FAM20B: variants seen among roughly 807,000 people sequenced by gnomAD.
FAM20B encodes FAM20B glycosaminoglycan xylosylkinase, also known as glycosaminoglycan xylosylkinase.
Under a neutral mutation model 43.8 loss-of-function variants are expected in FAM20B, and 23 were observed. The observed-to-expected ratio is 0.53, with a 90% CI of 0.38 to 0.74. FAM20B has a LOEUF of 0.74. Among genes scored for constraint, FAM20B ranks in the 30% least tolerant of loss-of-function variants. The probability of loss-of-function intolerance (pLI) is 0.00; values close to 1 mark genes in which losing one functional copy is unlikely to be tolerated. For synonymous variants in FAM20B, 178 were observed against 192.4 expected (o/e 0.93, Z 0.62); for missense variants, 440 against 510.5 (o/e 0.86, Z 1.33).
At chr1:179,019,406 G>A in the FAM20B span, among the ~76,000 whole-genome samples, 3 of 152,130 alleles carry the variant, frequency 2.0e-5, no homozygotes, top group Non-Finnish European at 4.4e-5. Context: ...TTGGATGACT[G>A]GTGGTCACAT....
intron 2 of FAM20B, among the ~76,000 whole-genome samples, chr1:179,045,673 G>A (rs557656531): frequency 2.8e-4 from 43 of 152,244 alleles, no homozygotes; most frequent in African/African-American, 1.0e-3. Context: ...GGGAGGCCGA[G>A]GTGGGTGGAT....
chr1:179,068,456 G>C (rs12041914), intron 7 of FAM20B, among the ~76,000 whole-genome samples: 2 of 151,314 alleles, frequency 1.3e-5, no homozygotes, highest in African/African-American at 4.9e-5. Context: ...TTTTTTTGGA[G>C]ATGGAGTCTT....
At chr1:179,059,055 T>G (rs928927597) in intron 4 of FAM20B, among the ~76,000 whole-genome samples, 1 of 152,238 alleles carries the variant, frequency 6.6e-6, no homozygotes, top group Non-Finnish European at 1.5e-5. Flanking sequence ...CAGGAGTAAG[T>G]GTAGACTAAT....
chr1:179,035,474 C>G, intron 1 of FAM20B: 1 of 698,958 alleles, frequency 1.4e-6, no homozygotes. Flanking sequence ...AGCACATAGG[C>G]ATTGAAGACG....
upstream of FAM20B, among the ~76,000 whole-genome samples, chr1:179,022,562 A>G (rs1330730284): frequency 2.0e-5 from 3 of 152,208 alleles, no homozygotes; most frequent in East Asian, 5.8e-4. Flanking sequence ...CTGTTATTGG[A>G]GTCCTAGGGC....
chr1:179,065,545 C>T (rs1157534859), intron 6 of FAM20B, among the ~76,000 whole-genome samples: 1 of 152,228 alleles, frequency 6.6e-6, no homozygotes, highest in East Asian at 1.9e-4. Flanking sequence ...TAAGACATGG[C>T]TCCTCAGCAA....
chr1:179,031,676 G>A (rs1337233099), intron 1 of FAM20B, among the ~76,000 whole-genome samples: 10 of 152,180 alleles, frequency 6.6e-5, no homozygotes. Context: ...TTAAATGGAA[G>A]TGAAAACAGT....
At chr1:179,041,019 C>T (rs1311956941) in intron 1 of FAM20B, among the ~76,000 whole-genome samples, 4 of 147,882 alleles carry the variant, frequency 2.7e-5, no homozygotes, top group African/African-American at 7.7e-5. Context: ...AGACGATGGG[C>T]AGCCGGGCAG....
chr1:179,019,471 T>C, the FAM20B span, among the ~76,000 whole-genome samples: 1 of 151,654 alleles, frequency 6.6e-6, no homozygotes, highest in Middle Eastern at 3.2e-3. Context: ...TTGTTTCTTT[T>C]TTTTTTTTGA....
At chr1:179,025,412 C>G (rs1649711009), upstream of FAM20B, among the ~76,000 whole-genome samples, 1 of 152,054 alleles carries the variant, frequency 6.6e-6, no homozygotes, top group Admixed American at 6.5e-5. Flanking sequence ...GCAAAAGAAG[C>G]GGGGGATACA....
At chr1:179,044,525 A>C (rs569242974) in intron 2 of FAM20B, among the ~76,000 whole-genome samples, 3 of 152,324 alleles carry the variant, frequency 2.0e-5, no homozygotes, top group Admixed American at 2.0e-4. Flanking sequence ...CCTTTTCCTG[A>C]ATGTAATATA....
rs59406314 is a variant in FAM20B at position 179,031,505 on chromosome 1, T to C, written c.-134+5407T>C. 4.8e-3 allele frequency among the ~76,000 whole-genome samples: 728 copies of C among 152,344 alleles called. 6 individuals are homozygous for C. Among genetic ancestry groups the C allele is most frequent in the African/African-American group, 0.017 (699 of 41,572 alleles). ...TTTTTCAGTTCACTTATTGAAATTA[T>C]TCAGTTATTGCCTATTTCATTTTTA... On this transcript the variant is annotated intron_variant, in intron 1 of 7. Coordinates refer to ENST00000263733, the MANE Select transcript of FAM20B (RefSeq NM_014864.4).
intron 1 of FAM20B, among the ~76,000 whole-genome samples, chr1:179,034,233 T>C (rs1395124974): frequency 1.3e-5 from 2 of 152,174 alleles, no homozygotes; most frequent in East Asian, 3.8e-4. Flanking sequence ...CTTCTTTACA[T>C]GGTAGCTAGA....
chr1:179,049,614 C>T (rs1650916656), intron 2 of FAM20B, among the ~76,000 whole-genome samples: 1 of 152,190 alleles, frequency 6.6e-6, no homozygotes, highest in South Asian at 2.1e-4. Context: ...AGTCTCGGCT[C>T]ACTGCAACCT....
Position 179,076,256 on chromosome 1 carries a change from G to A in FAM20B, c.*4112G>A, listed in dbSNP as rs1419303995. ...TCCCTTCAATTCCTCAAGTCTGGGTGGTGACAAGGTAGGGGCTAGGTACTG... is the reference window on the plus strand; with the variant it reads ...TCCCTTCAATTCCTCAAGTCTGGGTAGTGACAAGGTAGGGGCTAGGTACTG... On this transcript the variant is annotated 3_prime_UTR_variant, in exon 8 of 8. Transcript: ENST00000263733. 2 of 152,156 alleles carry A rather than the reference G, an allele frequency of 1.3e-5. No homozygotes were observed. The highest frequency in any genetic ancestry group is 4.8e-5 in the African/African-American group (2 of 41,420). 9.4% of individuals were successfully genotyped at this position (152,156 alleles called of 1,614,324 possible).
chr1:179,042,756 T>C (rs1197069928), intron 1 of FAM20B, among the ~76,000 whole-genome samples: 2 of 152,176 alleles, frequency 1.3e-5, no homozygotes, highest in Admixed American at 6.5e-5. Flanking sequence ...AGCCATGTTG[T>C]TCTGATGAGA....
chr1:179,030,591 C>T (rs754806641), intron 1 of FAM20B, among the ~76,000 whole-genome samples: 12 of 152,118 alleles, frequency 7.9e-5, no homozygotes, highest in Admixed American at 1.3e-4. Context: ...TATACATATT[C>T]GCTATTTCTG....
chr1:179,066,327 T>G (rs3766628), intron 6 of FAM20B, among the ~76,000 whole-genome samples: 108,293 of 152,004 alleles, frequency 0.71, 39,706 homozygotes, highest in African/African-American at 0.89. Flanking sequence ...GAATCTGTAC[T>G]TATACTTACT....
intron 1 of FAM20B, among the ~76,000 whole-genome samples, chr1:179,041,614 T>TGG (rs1233842249): frequency 4.3e-5 from 6 of 140,040 alleles, no homozygotes; most frequent in African/African-American, 1.5e-4. Context: ...AGGGAGACCG[T>TGG]GGAAAGAGAG....
Sources: allele counts gnomAD v4.1 joint callset (sites outside exome capture counted in the v4.1 genomes callset), GRCh38; gene constraint gnomAD v4.1.1; transcripts MANE v1.5; gene names NCBI Gene and HGNC (gene_info 2026-07-23, HGNC 2026-07-21).